ATP8A2: variants seen among roughly 807,000 people sequenced by gnomAD.
ATP8A2 encodes phospholipid-transporting ATPase IB.
Under a neutral mutation model 165.6 loss-of-function variants are expected in ATP8A2, and 100 were observed. The observed-to-expected ratio is 0.60, with a 90% CI of 0.51 to 0.71. The LOEUF (loss-of-function observed/expected upper bound fraction) is 0.71. Among genes scored for constraint, ATP8A2 ranks in the 30% least tolerant of loss-of-function variants. The pLI is 0.00. For synonymous variants in ATP8A2, 543 were observed against 548.8 expected, an observed-to-expected ratio of 0.99 and a Z score of 0.15; for missense variants, 1,227 against 1,479.5, an observed-to-expected ratio of 0.83 and a Z score of 2.80.
intron 25 of ATP8A2, among the ~76,000 whole-genome samples, chr13:25,743,607 T>G (rs2043964245): frequency 6.6e-6 from 1 of 152,170 alleles, no homozygotes; most frequent in Non-Finnish European, 1.5e-5. Flanking sequence ...CATGTTTCAT[T>G]TGTAATGGTA....
chr13:25,864,312 C>A (rs1326160450), intron 33 of ATP8A2, among the ~76,000 whole-genome samples: 2 of 152,114 alleles, frequency 1.3e-5, no homozygotes, highest in Non-Finnish European at 1.5e-5. Flanking sequence ...CCTCCTGAGT[C>A]CTAAACAGAG....
chr13:25,589,799 CAG>C, intron 24 of ATP8A2, 100 bp downstream of exon 24: 1 of 728,886 alleles, frequency 1.4e-6, no homozygotes, highest in South Asian at 2.0e-5. Flanking sequence ...TGCTAAAAAA[CAG>C]TTATGAAAAA....
At chr13:25,742,783 T>C (rs2043945296) in intron 25 of ATP8A2, among the ~76,000 whole-genome samples, 1 of 150,678 alleles carries the variant, frequency 6.6e-6, no homozygotes, top group African/African-American at 2.4e-5. Context: ...GAGGAGGCAG[T>C]GTTTTGGGAA....
At chr13:25,682,689 A>G (rs1333893872) in intron 24 of ATP8A2, among the ~76,000 whole-genome samples, 2 of 152,048 alleles carry the variant, frequency 1.3e-5, no homozygotes, top group Admixed American at 6.5e-5. Context: ...TCTTTCCCCA[A>G]AGTTCTTGTA....
intron 24 of ATP8A2, among the ~76,000 whole-genome samples, chr13:25,622,813 C>A (rs1254976268): frequency 6.6e-6 from 1 of 152,052 alleles, no homozygotes; most frequent in African/African-American, 2.4e-5. Context: ...AGAAAAATCC[C>A]AAATCTGCAA....
At chr13:25,787,137 G>A (rs977620646) in intron 27 of ATP8A2, among the ~76,000 whole-genome samples, 1 of 152,162 alleles carries the variant, frequency 6.6e-6, no homozygotes, top group Admixed American at 6.5e-5. Context: ...CAGGAAGTGG[G>A]CTTGCTTCCT....
chr13:25,790,104 C>T (rs559815682), intron 27 of ATP8A2, among the ~76,000 whole-genome samples: 1 of 152,196 alleles, frequency 6.6e-6, no homozygotes, highest in African/African-American at 2.4e-5. Context: ...AAATGTAAAA[C>T]CCAAAGCTAT....
intron 27 of ATP8A2, among the ~76,000 whole-genome samples, chr13:25,795,883 T>G (rs1950489336): frequency 6.6e-6 from 1 of 152,078 alleles, no homozygotes; most frequent in African/African-American, 2.4e-5. Flanking sequence ...GTGACAGCAT[T>G]TTTTTACATT....
At chr13:25,411,513 C>CA (rs2033963969) in intron 1 of ATP8A2, among the ~76,000 whole-genome samples, 3 of 152,100 alleles carry the variant, frequency 2.0e-5, no homozygotes, top group Admixed American at 1.3e-4. Flanking sequence ...ATCTTGTCAG[C>CA]AAAAATGTTT....
chr13:25,454,338 TC>T, intron 1 of ATP8A2, among the ~76,000 whole-genome samples: 1 of 152,186 alleles, frequency 6.6e-6, no homozygotes, highest in East Asian at 1.9e-4. Flanking sequence ...TGTGAACATG[TC>T]AGCTGGAGCT....
intron 2 of ATP8A2, among the ~76,000 whole-genome samples, chr13:25,476,912 T>C (rs970874380): frequency 2.0e-5 from 3 of 152,184 alleles, no homozygotes; most frequent in African/African-American, 7.2e-5. Context: ...AGAACTGTTA[T>C]CACCTTTACA....
chr13:25,403,044 A>G (rs1324940009), intron 1 of ATP8A2, among the ~76,000 whole-genome samples: 1 of 152,166 alleles, frequency 6.6e-6, no homozygotes, highest in African/African-American at 2.4e-5. Flanking sequence ...TCTCCATGAG[A>G]ACAGAGACCT....
chr13:25,589,526 T>A (rs1000785071), intron 23 of ATP8A2, 109 bp from the exon 24 acceptor site: 1 of 748,900 alleles, frequency 1.3e-6, no homozygotes, highest in African/African-American at 1.7e-5. Flanking sequence ...ACCCTATTCC[T>A]CTGTGTGAGC....
At chr13:25,477,533 A>G (rs903483231) in intron 2 of ATP8A2, among the ~76,000 whole-genome samples, 4 of 152,234 alleles carry the variant, frequency 2.6e-5, no homozygotes, top group African/African-American at 7.2e-5. Context: ...TGCCAGTGTT[A>G]CTTTCGTAGT....
intron 24 of ATP8A2, among the ~76,000 whole-genome samples, chr13:25,698,376 C>A (rs536068577): frequency 6.6e-6 from 1 of 152,146 alleles, no homozygotes; most frequent in East Asian, 1.9e-4. Flanking sequence ...ATGCAGCAGA[C>A]ACACACCACC....
intron 24 of ATP8A2, among the ~76,000 whole-genome samples, chr13:25,623,485 C>T (rs1263160167): frequency 6.6e-6 from 1 of 151,902 alleles, no homozygotes; most frequent in African/African-American, 2.4e-5. Context: ...AAAGGTTTTC[C>T]ACCTTTTTTT....
chr13:25,652,347 G>GT (rs1313963099), intron 24 of ATP8A2, among the ~76,000 whole-genome samples: 2 of 152,174 alleles, frequency 1.3e-5, no homozygotes, highest in African/African-American at 4.8e-5. Flanking sequence ...TTTACCATGT[G>GT]TGTTAAACTC....
chr13:25,783,974 AAGAGGTAGGTATTAAGCC>A (rs1227577719), intron 27 of ATP8A2, among the ~76,000 whole-genome samples: 2 of 152,116 alleles, frequency 1.3e-5, no homozygotes, highest in Non-Finnish European at 2.9e-5. Flanking sequence ...GAGGACAGGG[AAGAGGTAGGTATTAAGCC>A]AGAGAAATAC....
At chr13:25,763,162 G>T (rs902695362) in intron 25 of ATP8A2, among the ~76,000 whole-genome samples, 1 of 152,168 alleles carries the variant, frequency 6.6e-6, no homozygotes. Context: ...TGTGCCTGTG[G>T]CTCATTTAAC....
Sources: allele counts gnomAD v4.1 joint callset (sites outside exome capture counted in the v4.1 genomes callset), GRCh38; gene constraint gnomAD v4.1.1; transcripts MANE v1.5; gene names NCBI Gene and HGNC (gene_info 2026-07-23, HGNC 2026-07-21).